The following KIF13A variants were observed in gnomAD, a reference collection of about 807,000 sequenced individuals.
KIF13A encodes kinesin family member 13A.
A neutral mutation model predicts 212.2 loss-of-function variants in KIF13A; 79 were observed. That is an observed-to-expected ratio of 0.37 (90% CI 0.31 to 0.45). The LOEUF (loss-of-function observed/expected upper bound fraction) is 0.45. Among genes scored for constraint, KIF13A ranks in the 20% least tolerant of loss-of-function variants. The pLI is 1.00. For missense variants in KIF13A, 1,901 were observed against 2,209.0 expected, an observed-to-expected ratio of 0.86 and a Z score of 2.79; for synonymous variants, 789 against 808.6, an observed-to-expected ratio of 0.98 and a Z score of 0.41.
At chr6:17,928,893 A>G (rs1356786106) in intron 2 of KIF13A, among the ~76,000 whole-genome samples, 1 of 152,164 alleles carries the variant, frequency 6.6e-6, no homozygotes, top group Non-Finnish European at 1.5e-5. Flanking sequence ...AGACTGGTAC[A>G]TAATGGAAAT....
rs1762288598 is a variant in KIF13A at position 17,799,279 on chromosome 6, A to G, written c.2777T>C (p.Phe926Ser). The G allele has an allele frequency of 1.3e-6, 2 of 1,598,258 alleles. No individual in the cohort carries two copies. The highest frequency in any genetic ancestry group is 2.2e-5 in the East Asian group (1 of 44,762). The change falls in exon 22 of 39, where the codon TTC becomes TCC. Residue 926 changes from phenylalanine to serine, a missense_variant. By Grantham distance (155) the Phe-to-Ser change is radical. Transcript: ENST00000259711. This position sits in a 1 kb window ranked among gnomAD's most constrained non-coding sequence, Gnocchi z 4.4. Reference protein sequence around the residue: ...QSKDAQYTVTFSHCKDYVVNV... With the variant: ...QSKDAQYTVTSSHCKDYVVNV... The stretch of plus-strand genomic sequence containing the variant: ...TGGCATTTGTACCTTACAGTGGGAG[A>G]AGGTCACTGTGTACTGGGCATCCTT...
chr6:17,837,658 A>G lies in KIF13A; in HGVS notation c.831-75T>C. On this transcript the variant is annotated intron_variant, in intron 9 of 38. Coordinates refer to ENST00000259711, the MANE Select transcript of KIF13A (RefSeq NM_022113.6). The surrounding 1 kb of genome is among the most constrained non-coding windows in gnomAD (Gnocchi z 5.4). ...AAGTATAAAATATGCAGAACAATAA[A>G]GCTCCACAGTTAATACACGTTGGTG... The G allele has an allele frequency of 9.7e-7, 1 of 1,032,454 alleles. No homozygotes were observed. The highest frequency in any genetic ancestry group is 1.5e-6 in the Non-Finnish European group (1 of 682,890). The allele number at this position is 1,032,454 out of a possible 1,614,324, so 64.0% of individuals were successfully genotyped here. A position where few individuals can be genotyped will look rare whatever the true frequency, so the allele number is the denominator to read the frequency against.
At chr6:17,832,986 C>G (rs1294552178) in intron 12 of KIF13A, among the ~76,000 whole-genome samples, 2 of 138,514 alleles carry the variant, frequency 1.4e-5, no homozygotes, top group Non-Finnish European at 3.0e-5. Flanking sequence ...TGCACTCCAG[C>G]CTGGGCGACA....
chr6:17,873,279 C>T, intron 4 of KIF13A, 98 bp downstream of exon 4: 1 of 797,262 alleles, frequency 1.3e-6, no homozygotes, highest in Non-Finnish European at 2.0e-6. Context: ...GTGTGAATTA[C>T]ACAGGGAAAG....
rs1480806087 is a variant in KIF13A at position 17,987,298 on chromosome 6, G to GCCCCGGCC, written c.55+103_55+110dup. On this transcript the variant is annotated intron_variant, in intron 1 of 38. Coordinates refer to ENST00000259711, the MANE Select transcript of KIF13A (RefSeq NM_022113.6). The surrounding 1 kb of genome is among the most constrained non-coding windows in gnomAD (Gnocchi z 7.7). ...CACGGCCAGCGCGGACGCCGCCTCC[G>GCCCCGGCC]CCCCGGCCCCCCGGCCCCGGCCGCG... 3 of 898,606 alleles carry GCCCCGGCC rather than the reference G, an allele frequency of 3.3e-6. No individual in the cohort carries two copies. The highest frequency in any genetic ancestry group is 3.4e-5 in the South Asian group (1 of 29,112). 55.7% of individuals were successfully genotyped at this position (898,606 alleles called of 1,614,324 possible). A position where few individuals can be genotyped will look rare whatever the true frequency, so the allele number is the denominator to read the frequency against.
At chr6:17,986,800 GC>G (rs1365071716) in intron 2 of KIF13A, among the ~76,000 whole-genome samples, 1 of 152,262 alleles carries the variant, frequency 6.6e-6, no homozygotes, top group Non-Finnish European at 1.5e-5. Context: ...CCTCCCGGGT[GC>G]CTCGCAGCCC....
At position 17,962,642 on chromosome 6, in the gene KIF13A, G is replaced by C. The variant is rs1307657812; in HGVS notation, c.146+24412C>G. 3.3e-5 allele frequency among the ~76,000 whole-genome samples: 5 copies of C among 152,296 alleles called. No individual in the cohort carries two copies. In the East Asian group the frequency reaches 7.7e-4, roughly 24 times the overall value. On this transcript the variant is annotated intron_variant, in intron 2 of 38. Transcript: ENST00000259711. Reference sequence around the variant, plus strand: ...GTGGGGGCTGTGTGCAAGTAAGGCTGAGTCTGGACAACATCCACAGGCACC... The same window carrying C: ...GTGGGGGCTGTGTGCAAGTAAGGCTCAGTCTGGACAACATCCACAGGCACC...
chr6:17,929,284 G>A (rs1293296225), intron 2 of KIF13A, among the ~76,000 whole-genome samples: 1 of 152,058 alleles, frequency 6.6e-6, no homozygotes, highest in Non-Finnish European at 1.5e-5. Context: ...ACCAAGGCAA[G>A]GCTAGAATGC....
chr6:17,857,441 T>C (rs1332911745), intron 4 of KIF13A, among the ~76,000 whole-genome samples: 1 of 152,158 alleles, frequency 6.6e-6, no homozygotes, highest in African/African-American at 2.4e-5. Flanking sequence ...TTTCTCTCTC[T>C]CTCGCTGCCA....
At chr6:17,791,406 C>A (rs1761540775) in intron 25 of KIF13A, among the ~76,000 whole-genome samples, 1 of 148,678 alleles carries the variant, frequency 6.7e-6, no homozygotes. Context: ...TTCTAAAACA[C>A]TGTGACAACA....
At position 17,816,925 on chromosome 6, in the gene KIF13A, G is replaced by T; in HGVS notation, c.2000+95C>A. ...GTATGGGATTAAGAGTTCTCTTGTT[G>T]CTAGGTTTGTCCCTGACATGTCTCA... On this transcript the variant is annotated intron_variant, in intron 17 of 38. Transcript: ENST00000259711. This position sits in a 1 kb window ranked among gnomAD's most constrained non-coding sequence, Gnocchi z 4.3. 1 of 902,320 alleles carries T rather than the reference G, an allele frequency of 1.1e-6. No individual in the cohort carries two copies. The highest frequency in any genetic ancestry group is 1.7e-6 in the Non-Finnish European group (1 of 601,944). 55.9% of individuals were successfully genotyped at this position (902,320 alleles called of 1,614,324 possible).
chr6:17,844,044 CAAAA>C (rs35763673), intron 9 of KIF13A, among the ~76,000 whole-genome samples: 1 of 114,970 alleles, frequency 8.7e-6, no homozygotes. Context: ...GACTCCATCT[CAAAA>C]AAAAAAAAAA....
chr6:17,873,281 C>A, intron 4 of KIF13A, 96 bp downstream of exon 4: 1 of 801,966 alleles, frequency 1.2e-6, no homozygotes, highest in Non-Finnish European at 2.0e-6. Context: ...GTGAATTACA[C>A]AGGGAAAGTA....
intron 20 of KIF13A, among the ~76,000 whole-genome samples, chr6:17,802,112 A>T (rs1762514528): frequency 6.6e-6 from 1 of 152,116 alleles, no homozygotes; most frequent in Non-Finnish European, 1.5e-5. Flanking sequence ...CTATCATCCT[A>T]AACAGGGAAG....
chr6:17,957,066 G>A (rs1041011283), intron 2 of KIF13A, among the ~76,000 whole-genome samples: 4 of 152,112 alleles, frequency 2.6e-5, no homozygotes, highest in Non-Finnish European at 5.9e-5. Context: ...GTTTTTAGTA[G>A]AGACAGGGTT....
At chr6:17,894,175 C>T (rs1022464563) in intron 3 of KIF13A, among the ~76,000 whole-genome samples, 5 of 150,424 alleles carry the variant, frequency 3.3e-5, no homozygotes, top group African/African-American at 9.8e-5. Context: ...TTCTGTCGCC[C>T]AGGCTGGAGT....
rs369109832 is a variant in KIF13A at position 17,856,619 on chromosome 6, T to C, written c.221-497A>G. 6.6e-6 allele frequency among the ~76,000 whole-genome samples: 1 copy of C among 152,296 alleles called. No individual in the cohort carries two copies. The highest frequency in any genetic ancestry group is 1.9e-4 in the East Asian group (1 of 5,186). ...GACAACTTCAGCTGCTGTTTGTAGA[T>C]TCACAGGCACCCGTCACCTGTGTCC... On this transcript the variant is annotated intron_variant, in intron 4 of 38. Coordinates refer to ENST00000259711, the MANE Select transcript of KIF13A (RefSeq NM_022113.6). The surrounding 1 kb of genome is among the most constrained non-coding windows in gnomAD (Gnocchi z 4.5).
intron 2 of KIF13A, among the ~76,000 whole-genome samples, chr6:17,975,218 T>C (rs1168700001): frequency 2.0e-5 from 3 of 150,948 alleles, no homozygotes; most frequent in Non-Finnish European, 1.5e-5. Context: ...GCAGGCGGGG[T>C]GGCAGGTTTC....
intron 19 of KIF13A, 58 bp downstream of exon 19, chr6:17,805,417 C>G: frequency 7.8e-7 from 1 of 1,289,940 alleles, no homozygotes; most frequent in Non-Finnish European, 1.1e-6. Context: ...GTTGCTAAAT[C>G]GCTTATATTC....
Sources: allele counts gnomAD v4.1 joint callset (sites outside exome capture counted in the v4.1 genomes callset), GRCh38; gene constraint gnomAD v4.1.1; non-coding constraint Gnocchi (gnomAD v3.1); transcripts MANE v1.5; gene names NCBI Gene and HGNC (gene_info 2026-07-23, HGNC 2026-07-21).